The following GABBR2 variants were observed in gnomAD, a reference collection of about 807,000 sequenced individuals.
GABBR2 encodes G-protein coupled receptor 51.
In GABBR2, 23 loss-of-function variants were observed where a neutral mutation model predicts 105.6. That is an observed-to-expected ratio of 0.22 (90% CI 0.16 to 0.31). The LOEUF (loss-of-function observed/expected upper bound fraction) is 0.31, where lower values mean the gene tolerates loss of function less well. Ranked by LOEUF, GABBR2 falls within the 10% of genes least tolerant of loss-of-function variation. The probability of loss-of-function intolerance (pLI) is 1.00; values close to 1 mark genes in which losing one functional copy is unlikely to be tolerated. For missense variants in GABBR2, 734 were observed against 1,245.5 expected (o/e 0.59, Z 6.18); for synonymous variants, 478 against 499.7 (o/e 0.96, Z 0.58).
chr9:98,706,100 CAAAA>C (rs1261779483), intron 1 of GABBR2, among the ~76,000 whole-genome samples: 14 of 31,268 alleles, frequency 4.5e-4, no homozygotes, highest in African/African-American at 1.1e-3. Context: ...CAAAACAAAA[CAAAA>C]AAAACAAAAA....
chr9:98,327,350 C>T (rs947806604), intron 13 of GABBR2, among the ~76,000 whole-genome samples: 1 of 152,022 alleles, frequency 6.6e-6, no homozygotes, highest in Non-Finnish European at 1.5e-5. Flanking sequence ...CTAAGCCTGC[C>T]CCCACCTGCT....
intron 1 of GABBR2, among the ~76,000 whole-genome samples, chr9:98,584,464 TCTC>T (rs1445280310): frequency 6.6e-6 from 1 of 152,132 alleles, no homozygotes; most frequent in Non-Finnish European, 1.5e-5. Flanking sequence ...GCCAAGGGCT[TCTC>T]CTTCCCTATA....
intron 7 of GABBR2, among the ~76,000 whole-genome samples, chr9:98,429,545 A>C (rs1011740867): frequency 7.2e-5 from 11 of 152,172 alleles, no homozygotes; most frequent in African/African-American, 2.7e-4. Context: ...AACTGCTTCA[A>C]ACTCTCCTTA....
At chr9:98,575,700 T>A (rs150725561) in intron 2 of GABBR2, among the ~76,000 whole-genome samples, 1 of 152,298 alleles carries the variant, frequency 6.6e-6, no homozygotes, top group Admixed American at 6.5e-5. Flanking sequence ...CCTGAGGGCA[T>A]GAGGCCAGGC....
At chr9:98,546,421 C>T (rs1335792861) in intron 2 of GABBR2, among the ~76,000 whole-genome samples, 2 of 152,114 alleles carry the variant, frequency 1.3e-5, no homozygotes, top group Non-Finnish European at 2.9e-5. Flanking sequence ...ATGTTCATCA[C>T]AATTATGTCT....
At chr9:98,582,615 G>A (rs1393419459) in intron 1 of GABBR2, among the ~76,000 whole-genome samples, 9 of 152,134 alleles carry the variant, frequency 5.9e-5, no homozygotes, top group Non-Finnish European at 1.3e-4. Flanking sequence ...GGTAAAATGT[G>A]AAAAATAAGA....
At chr9:98,603,004 G>A (rs1277747896) in intron 1 of GABBR2, among the ~76,000 whole-genome samples, 1 of 151,954 alleles carries the variant, frequency 6.6e-6, no homozygotes, top group Non-Finnish European at 1.5e-5. Context: ...AGGGAGGGCC[G>A]GCAGACACAG....
At chr9:98,464,371 G>A (rs943386989) in intron 6 of GABBR2, among the ~76,000 whole-genome samples, 23 of 151,848 alleles carry the variant, frequency 1.5e-4, no homozygotes, top group Non-Finnish European at 2.8e-4. Context: ...CCCCCTCTGG[G>A]AAGTGAGGAG....
chr9:98,601,189 G>A (rs897679253), intron 1 of GABBR2, among the ~76,000 whole-genome samples: 4 of 152,182 alleles, frequency 2.6e-5, no homozygotes, highest in South Asian at 4.1e-4. Flanking sequence ...AATGTAGATT[G>A]TCAAATTTTA....
At chr9:98,339,726 T>G (rs115344135) in intron 13 of GABBR2, among the ~76,000 whole-genome samples, 1,794 of 152,318 alleles carry the variant, frequency 0.012, 27 homozygotes, top group African/African-American at 0.041. Context: ...ATGTACTATG[T>G]GCCAGGTACT....
intron 13 of GABBR2, among the ~76,000 whole-genome samples, chr9:98,338,717 G>A (rs1044388868): frequency 7.9e-5 from 12 of 152,256 alleles, no homozygotes; most frequent in Non-Finnish European, 1.3e-4. Flanking sequence ...AAAATTGGCC[G>A]TTCCTAAAAA....
At chr9:98,697,576 A>G (rs533701186) in intron 1 of GABBR2, among the ~76,000 whole-genome samples, 1 of 152,108 alleles carries the variant, frequency 6.6e-6, no homozygotes, top group South Asian at 2.1e-4. Context: ...ATAGGTGCCG[A>G]CATATAGTAA....
chr9:98,606,480 T>C (rs35189281), intron 1 of GABBR2, among the ~76,000 whole-genome samples: 22,554 of 115,626 alleles, frequency 0.2, 2,338 homozygotes, highest in Middle Eastern at 0.38. Context: ...ATCTTTTTTT[T>C]TTCTTTTTTT....
chr9:98,628,456 T>C (rs1829775240), intron 1 of GABBR2, among the ~76,000 whole-genome samples: 2 of 152,200 alleles, frequency 1.3e-5, no homozygotes, highest in Admixed American at 1.3e-4. Context: ...TGCTGGGATT[T>C]TGTCAGCTCC....
At chr9:98,699,530 T>A (rs1246635388) in intron 1 of GABBR2, among the ~76,000 whole-genome samples, 1 of 152,206 alleles carries the variant, frequency 6.6e-6, no homozygotes, top group Non-Finnish European at 1.5e-5. Context: ...TCCAGGCTTT[T>A]AGATCTATTT....
At chr9:98,393,207 T>G (rs1402548494) in intron 9 of GABBR2, among the ~76,000 whole-genome samples, 1 of 112,830 alleles carries the variant, frequency 8.9e-6, no homozygotes, top group African/African-American at 4.1e-5. Context: ...CTTGATCAAT[T>G]CATCTATCCA....
chr9:98,380,636 CG>C (rs1175152074), intron 11 of GABBR2, among the ~76,000 whole-genome samples: 3 of 152,192 alleles, frequency 2.0e-5, no homozygotes, highest in Admixed American at 6.5e-5. Flanking sequence ...GGAGACAGCA[CG>C]GGGTATAGCT....
At chr9:98,650,415 C>A (rs1355899526) in intron 1 of GABBR2, among the ~76,000 whole-genome samples, 5 of 152,140 alleles carry the variant, frequency 3.3e-5, no homozygotes, top group African/African-American at 1.2e-4. Context: ...TAGAATTGTG[C>A]CTGGCACACA....
chr9:98,484,878 G>A (rs1433151612), intron 4 of GABBR2, among the ~76,000 whole-genome samples: 1 of 152,238 alleles, frequency 6.6e-6, no homozygotes, highest in Non-Finnish European at 1.5e-5. Flanking sequence ...AGAGTAGAAA[G>A]AAGAAATTTG....
Sources: gnomAD v4.1 joint callset for allele counts (sites outside exome capture counted in the v4.1 genomes callset) on GRCh38, gnomAD v4.1.1 for gene constraint, MANE v1.5 for transcripts, NCBI Gene and HGNC (gene_info 2026-07-23, HGNC 2026-07-21) for gene names.